NAV3: variants seen among roughly 807,000 people sequenced by gnomAD.
NAV3 encodes the protein pore membrane and/or filament interacting like protein 1.
NAV3 carries 87 observed loss-of-function variants against 244.7 expected under a neutral mutation model. That is an observed-to-expected ratio of 0.36 (90% CI 0.30 to 0.42). The LOEUF (loss-of-function observed/expected upper bound fraction) is 0.42, where lower values mean the gene tolerates loss of function less well. NAV3 is among the 20% of genes least tolerant of loss of function. The probability of loss-of-function intolerance (pLI) is 1.00; values close to 1 mark genes in which losing one functional copy is unlikely to be tolerated. For missense variants in NAV3, 2,663 were observed against 2,893.3 expected (o/e 0.92, Z 1.83); for synonymous variants, 1,126 against 1,042.2 (o/e 1.08, Z -1.55).
chr12:78,030,657 T>G (rs975509159), intron 9 of NAV3, among the ~76,000 whole-genome samples: 6 of 151,998 alleles, frequency 3.9e-5, no homozygotes, highest in Admixed American at 3.9e-4. Flanking sequence ...ATCTCAAAAT[T>G]TGGGAAAACA....
chr12:77,685,157 CTA>C (rs1451323808), intron 2 of NAV3, among the ~76,000 whole-genome samples: 33 of 152,080 alleles, frequency 2.2e-4, no homozygotes, highest in African/African-American at 8.0e-4. Flanking sequence ...ACTATTGTTC[CTA>C]TGTTCTCATA....
chr12:78,114,557 G>A (rs300439), intron 12 of NAV3, among the ~76,000 whole-genome samples: 121,415 of 151,994 alleles, frequency 0.8, 48,891 homozygotes, highest in Non-Finnish European at 0.85. Context: ...CCCTTATAAA[G>A]TCATCAGATC....
chr12:77,908,103 T>C (rs185520824), intron 1 of NAV3, among the ~76,000 whole-genome samples: 2 of 152,248 alleles, frequency 1.3e-5, no homozygotes, highest in East Asian at 3.9e-4. Context: ...TACTATATTT[T>C]ATTATTTTAA....
intron 39 of NAV3, among the ~76,000 whole-genome samples, chr12:78,207,172 TATCCACTATTTAGTGTCAAGAAAC>T (rs1259795208): frequency 2.0e-5 from 3 of 152,284 alleles, no homozygotes; most frequent in African/African-American, 4.8e-5. Context: ...TCCTACAAAA[TATCCACTATTTAGTGTCAAGAAAC>T]ATCCACTATT....
At chr12:77,897,616 G>A (rs534334221) in intron 1 of NAV3, among the ~76,000 whole-genome samples, 8 of 151,954 alleles carry the variant, frequency 5.3e-5, no homozygotes, top group African/African-American at 1.4e-4. Context: ...GGCTCCTGTG[G>A]CTCCCTCTTT....
chr12:77,957,691 G>T (rs1565957557), intron 3 of NAV3, among the ~76,000 whole-genome samples: 1 of 151,578 alleles, frequency 6.6e-6, no homozygotes, highest in Non-Finnish European at 1.5e-5. Context: ...TTGAGACAGA[G>T]TCTTGCTCTG....
intron 1 of NAV3, among the ~76,000 whole-genome samples, chr12:77,859,114 C>T (rs1878822233): frequency 6.6e-6 from 1 of 151,970 alleles, no homozygotes. Context: ...TATCAGTCAG[C>T]CCAGCAAAGA....
At chr12:77,959,358 C>G (rs1484183050) in intron 3 of NAV3, among the ~76,000 whole-genome samples, 4 of 151,928 alleles carry the variant, frequency 2.6e-5, no homozygotes, top group Non-Finnish European at 1.5e-5. Flanking sequence ...ACTGAGTTTA[C>G]TGGGATACAG....
upstream of NAV3, among the ~76,000 whole-genome samples, chr12:77,830,179 A>G (rs978495460): frequency 2.6e-5 from 4 of 152,216 alleles, no homozygotes; most frequent in Non-Finnish European, 5.9e-5. Context: ...GGATGGAAGC[A>G]TCATCATTCA....
intron 24 of NAV3, among the ~76,000 whole-genome samples, chr12:78,170,809 A>T (rs527425068): frequency 6.6e-6 from 1 of 151,900 alleles, no homozygotes; most frequent in South Asian, 2.1e-4. Context: ...GAGACACTGC[A>T]GCAGCAGTGA....
chr12:78,128,673 G>A (rs1269330372), intron 17 of NAV3, 33 bp from the exon 18 acceptor site: 8 of 1,595,328 alleles, frequency 5.0e-6, no homozygotes, highest in East Asian at 2.2e-5. Flanking sequence ...CCTTGTAGAT[G>A]TGCTTAAGTG....
In NAV3 at chr12:77,734,558, C is replaced by T. The variant is rs1027130731; in HGVS notation, c.72+162292C>T. ...AACTAACTTTGAGGTTTTAAAGATG[C>T]GTATTTTGTTGTAATTTTACAGCCT... On this transcript the variant is annotated intron_variant, in intron 2 of 8. Transcript: ENST00000550042. 3.9e-5 allele frequency among the ~76,000 whole-genome samples: 6 copies of T among 152,066 alleles called. No individual in the cohort carries two copies. The East Asian group carries it at 5.8e-4, about 15-fold the overall frequency.
chr12:78,177,791 A>C, intron 28 of NAV3, 106 bp downstream of exon 28: 3 of 943,826 alleles, frequency 3.2e-6, no homozygotes, highest in Non-Finnish European at 4.7e-6. Context: ...TCAACAATAA[A>C]TACCTTCTCT....
At chr12:77,948,683 C>A (rs12825350) in intron 3 of NAV3, among the ~76,000 whole-genome samples, 2 of 130,024 alleles carry the variant, frequency 1.5e-5, no homozygotes, top group Admixed American at 7.9e-5. Context: ...TTCAATTGCC[C>A]CCCCACCACT....
intron 2 of NAV3, among the ~76,000 whole-genome samples, chr12:77,797,112 G>A (rs921282450): frequency 1.3e-5 from 2 of 152,150 alleles, no homozygotes; most frequent in East Asian, 1.9e-4. Flanking sequence ...GATAATGGGT[G>A]TACAATGCCT....
intron 5 of NAV3, among the ~76,000 whole-genome samples, chr12:77,975,421 C>T (rs1306791627): frequency 6.6e-6 from 1 of 152,000 alleles, no homozygotes. Flanking sequence ...AAATATTTAC[C>T]AGTAATTTGA....
intron 3 of NAV3, among the ~76,000 whole-genome samples, chr12:77,965,609 A>G (rs1223802140): frequency 6.6e-6 from 1 of 152,214 alleles, no homozygotes; most frequent in African/African-American, 2.4e-5. Flanking sequence ...ACGGAGCAAC[A>G]TTCTGTCTCA....
At chr12:77,901,074 G>T (rs1200067206) in intron 1 of NAV3, among the ~76,000 whole-genome samples, 1 of 152,126 alleles carries the variant, frequency 6.6e-6, no homozygotes, top group Non-Finnish European at 1.5e-5. Flanking sequence ...TTTTAATGAG[G>T]TTATTTGTTG....
chr12:77,612,642 A>C (rs1273025416), intron 2 of NAV3, among the ~76,000 whole-genome samples: 1 of 152,146 alleles, frequency 6.6e-6, no homozygotes, highest in Non-Finnish European at 1.5e-5. Context: ...TAGAACAAGA[A>C]GATATTTTTC....
Sources: gnomAD v4.1 joint callset for allele counts (sites outside exome capture counted in the v4.1 genomes callset) on GRCh38, gnomAD v4.1.1 for gene constraint, MANE v1.5 for transcripts, NCBI Gene and HGNC (gene_info 2026-07-23, HGNC 2026-07-21) for gene names.